RIMS2: variants seen among roughly 807,000 people sequenced by gnomAD.
The protein encoded by RIMS2 is regulating synaptic membrane exocytosis protein 2.
RIMS2 carries 59 observed loss-of-function variants against 174.4 expected under a neutral mutation model. The observed-to-expected ratio is 0.34, with a 90% CI of 0.27 to 0.42. The LOEUF is 0.42. RIMS2 is among the 10% of genes least tolerant of loss of function. The pLI is 1.00. For missense variants in RIMS2, 1,620 were observed against 1,666.3 expected, an observed-to-expected ratio of 0.97 and a Z score of 0.48; for synonymous variants, 606 against 572.5, an observed-to-expected ratio of 1.06 and a Z score of -0.84.
chr8:103,703,246 T>C (rs1320795401), intron 2 of RIMS2, among the ~76,000 whole-genome samples: 2 of 152,040 alleles, frequency 1.3e-5, no homozygotes, highest in African/African-American at 4.8e-5. Context: ...TGTTTGTTTG[T>C]TTTGTTTTTA....
chr8:103,525,081 A>G (rs545540285), intron 1 of RIMS2, among the ~76,000 whole-genome samples: 1 of 152,344 alleles, frequency 6.6e-6, no homozygotes, highest in South Asian at 2.1e-4. Context: ...GAGCCAATAT[A>G]AAGCCAGCAC....
chr8:103,821,708 C>A (rs2098752923), intron 3 of RIMS2, among the ~76,000 whole-genome samples: 1 of 151,364 alleles, frequency 6.6e-6, no homozygotes, highest in South Asian at 2.1e-4. Context: ...TGCTTATATT[C>A]TTTTAAACAA....
intron 2 of RIMS2, among the ~76,000 whole-genome samples, chr8:103,757,375 A>G (rs2140012724): frequency 6.6e-6 from 1 of 152,196 alleles, no homozygotes; most frequent in South Asian, 2.1e-4. Flanking sequence ...AATTTGATTA[A>G]TTTGATGAAT....
chr8:103,525,843 T>C (rs1267414603), intron 1 of RIMS2, among the ~76,000 whole-genome samples: 1 of 152,166 alleles, frequency 6.6e-6, no homozygotes, highest in African/African-American at 2.4e-5. Flanking sequence ...CTTCTGATGA[T>C]GGTGGATTAG....
At chr8:104,144,523 T>C (rs1467539271) in intron 19 of RIMS2, among the ~76,000 whole-genome samples, 1 of 152,284 alleles carries the variant, frequency 6.6e-6, no homozygotes, top group African/African-American at 2.4e-5. Context: ...GTTTTAATTT[T>C]TTTTAGTTAC....
In RIMS2 at chr8:103,942,915, G is replaced by A. The variant is rs376486274; in HGVS notation, c.2690G>A (p.Arg897Gln). Residue 897 changes from arginine (R) to glutamine (Q), a missense_variant, in exon 14 of 24, where the codon CGG (arginine) becomes CAG (glutamine). By Grantham distance (43) the Arg-to-Gln change is conservative. This residue lies in a region of RIMS2 where 1,395 missense variants were observed against 1,360.1 expected (regional missense o/e 1.03). Transcript: ENST00000504942. Reference sequence around the variant, plus strand: ...CAGCTCCATGGAGAGAGCCCAACACGGAGGTTGCAAAGTAAGTTTTACTAA... The same window carrying A: ...CAGCTCCATGGAGAGAGCCCAACACAGAGGTTGCAAAGTAAGTTTTACTAA... 23 of 1,603,626 alleles carry A rather than the reference G, an allele frequency of 1.4e-5. No homozygotes were observed. The African/African-American group carries it at 1.9e-4, about 13-fold the overall frequency.
chr8:104,095,836 T>G (rs964293654), intron 19 of RIMS2, among the ~76,000 whole-genome samples: 1 of 152,034 alleles, frequency 6.6e-6, no homozygotes, highest in African/African-American at 2.4e-5. Context: ...TTTCTCACAG[T>G]GAGACAGATA....
intron 1 of RIMS2, among the ~76,000 whole-genome samples, chr8:103,543,588 T>C (rs578086198): frequency 3.5e-4 from 53 of 152,220 alleles, no homozygotes; most frequent in Middle Eastern, 6.8e-3. Context: ...GGCATAACAA[T>C]ACCTGATTCT....
intron 13 of RIMS2, 108 bp downstream of exon 15, chr8:103,936,830 T>C (rs920390174): frequency 7.2e-6 from 6 of 829,932 alleles, no homozygotes; most frequent in Non-Finnish European, 1.1e-5. Flanking sequence ...GCATGGTGGC[T>C]CATGCCTGTA....
chr8:103,524,179 C>T (rs982072294), intron 1 of RIMS2, among the ~76,000 whole-genome samples: 9 of 150,790 alleles, frequency 6.0e-5, no homozygotes, highest in African/African-American at 1.7e-4. Context: ...AAATACATAA[C>T]GACATAGGTG....
At chr8:104,238,818 T>C (rs1224783349) in intron 19 of RIMS2, among the ~76,000 whole-genome samples, 1 of 152,160 alleles carries the variant, frequency 6.6e-6, no homozygotes, top group Non-Finnish European at 1.5e-5. Flanking sequence ...GTAACACAAA[T>C]GGTTTTCTAA....
chr8:103,925,404 G>C (rs948229662), intron 10 of RIMS2, among the ~76,000 whole-genome samples: 10 of 151,362 alleles, frequency 6.6e-5, no homozygotes, highest in African/African-American at 2.4e-4. Flanking sequence ...AAACTCCATA[G>C]CCTTTTAAAA....
At chr8:104,074,181 A>G (rs756636733) in intron 19 of RIMS2, among the ~76,000 whole-genome samples, 1 of 152,170 alleles carries the variant, frequency 6.6e-6, no homozygotes, top group Non-Finnish European at 1.5e-5. Context: ...TCAAAAATTT[A>G]ATGTAAGTCA....
chr8:103,637,649 G>T (rs1049669696), intron 1 of RIMS2, among the ~76,000 whole-genome samples: 1 of 152,118 alleles, frequency 6.6e-6, no homozygotes, highest in Non-Finnish European at 1.5e-5. Flanking sequence ...GAGAGTTCCT[G>T]TATCTTGTTC....
rs980877505 is a variant in RIMS2, at chr8:104,016,049, A to G, written c.3334+1434A>G. Reference sequence around the variant, plus strand: ...ATTATGACTCAGAAGAAAATACTGAATGGTGATATATGGAGTGTCATACAT... The same window carrying G: ...ATTATGACTCAGAAGAAAATACTGAGTGGTGATATATGGAGTGTCATACAT... On this transcript the variant is annotated intron_variant, in intron 19 of 23. Coordinates refer to ENST00000504942, the Ensembl canonical transcript of RIMS2. 5.9e-5 allele frequency among the ~76,000 whole-genome samples: 9 copies of G among 152,058 alleles called. 1 individual carries two copies. The highest frequency in any genetic ancestry group is 2.2e-4 in the African/African-American group (9 of 41,436).
At chr8:104,056,275 G>A (rs761459747) in intron 19 of RIMS2, among the ~76,000 whole-genome samples, 6 of 151,756 alleles carry the variant, frequency 4.0e-5, no homozygotes, top group Non-Finnish European at 7.4e-5. Context: ...ATGGTGGCTC[G>A]TGTCTGTAGT....
intron 1 of RIMS2, among the ~76,000 whole-genome samples, chr8:103,659,972 A>C (rs1172419737): frequency 1.3e-5 from 2 of 152,178 alleles, no homozygotes; most frequent in Non-Finnish European, 2.9e-5. Flanking sequence ...TCCCGCCTGG[A>C]TGGTCTTCAG....
At chr8:103,819,491 A>G (rs572378309) in intron 3 of RIMS2, 265 of 1,590,074 alleles carry the variant, frequency 1.7e-4, no homozygotes, top group Middle Eastern at 1.4e-3. Flanking sequence ...AGAGAAGGGG[A>G]AAAAAAAAGA....
chr8:104,188,450 G>A (rs1446346008), intron 19 of RIMS2, among the ~76,000 whole-genome samples: 2 of 151,302 alleles, frequency 1.3e-5, no homozygotes, highest in Admixed American at 6.6e-5. Flanking sequence ...AACATATCTA[G>A]TATCCATTAT....
Sources: allele counts gnomAD v4.1 joint callset (sites outside exome capture counted in the v4.1 genomes callset), GRCh38; gene constraint gnomAD v4.1.1; regional missense constraint gnomAD v4.1.1; transcripts MANE v1.5; gene names NCBI Gene and HGNC (gene_info 2026-07-23, HGNC 2026-07-21).